Variants in AGBL1 observed in about 807,000 individuals in gnomAD.
AGBL1 encodes the protein cytosolic carboxypeptidase 4.
A neutral mutation model predicts 118.9 loss-of-function variants in AGBL1; 130 were observed. That is an observed-to-expected ratio of 1.09 (90% CI 0.95 to 1.26). The LOEUF is 1.26. Ranked by LOEUF, AGBL1 falls within the 50% of genes most tolerant of loss-of-function variation. The pLI is 0.00. For synonymous variants in AGBL1, 555 were observed against 478.9 expected, an observed-to-expected ratio of 1.16 and a Z score of -2.08; for missense variants, 1,584 against 1,298.1, an observed-to-expected ratio of 1.22 and a Z score of -3.38.
intron 22 of AGBL1, among the ~76,000 whole-genome samples, chr15:86,813,543 G>A (rs28438625): frequency 1.3e-5 from 2 of 152,102 alleles, no homozygotes; most frequent in Non-Finnish European, 2.9e-5. Context: ...CTTCCAAAGA[G>A]GATAGCACTG....
rs1006429746 is a variant in AGBL1 at position 86,915,848 on chromosome 15, A to T, written c.*8554A>T. On this transcript the variant is annotated 3_prime_UTR_variant, in exon 23 of 23. Transcript: ENST00000614907. ...CCGTTGCCTCAGTAACCTCTTACGC[A>T]TGGAGAGCAGAGCTGCAGGAAAGCA... 1.6e-4 allele frequency: 25 copies of T among 152,238 alleles called. No homozygotes were observed. The highest frequency in any genetic ancestry group is 5.3e-4 in the African/African-American group (22 of 41,450). 9.4% of individuals were successfully genotyped at this position (152,238 alleles called of 1,614,324 possible).
chr15:86,776,111 A>C (rs2078251936), intron 22 of AGBL1, among the ~76,000 whole-genome samples: 1 of 152,096 alleles, frequency 6.6e-6, no homozygotes, highest in Non-Finnish European at 1.5e-5. Flanking sequence ...TGTTCACTCA[A>C]CATGTTGCGC....
rs2141601058 is a variant in AGBL1, at chr15:86,911,305, T to C, written c.*4011T>C. On this transcript the variant is annotated 3_prime_UTR_variant, in exon 23 of 23. Transcript: ENST00000614907. ...GTAAAACTTCTCTGATGGGCAAAGG[T>C]TGGGAGCTTTCTGATTTCACCTTTA... 1 of 152,542 alleles carries C rather than the reference T, an allele frequency of 6.6e-6. No homozygotes were observed. Among genetic ancestry groups the C allele is most frequent in the East Asian group, 1.9e-4 (1 of 5,172 alleles). 9.4% of individuals were successfully genotyped at this position (152,542 alleles called of 1,614,324 possible).
At chr15:86,102,845 A>G (rs538417061) in intron 1 of AGBL1, among the ~76,000 whole-genome samples, 1 of 152,026 alleles carries the variant, frequency 6.6e-6, no homozygotes, top group South Asian at 2.1e-4. Flanking sequence ...AGAGTTAGGG[A>G]TTTTTCAGCC....
At chr15:86,726,436 A>C (rs955349877) in intron 22 of AGBL1, among the ~76,000 whole-genome samples, 2 of 152,200 alleles carry the variant, frequency 1.3e-5, no homozygotes, top group Non-Finnish European at 2.9e-5. Flanking sequence ...CTCTGTGAGG[A>C]TCGGTTTCTC....
At chr15:86,372,530 C>T (rs2080985690) in intron 17 of AGBL1, among the ~76,000 whole-genome samples, 1 of 152,242 alleles carries the variant, frequency 6.6e-6, no homozygotes, top group Admixed American at 6.5e-5. Context: ...CACTTTTTCT[C>T]TCTCATTCAT....
intron 23 of AGBL1, among the ~76,000 whole-genome samples, chr15:86,978,996 A>C (rs1447346107): frequency 2.0e-5 from 3 of 152,168 alleles, no homozygotes; most frequent in Non-Finnish European, 4.4e-5. Flanking sequence ...GTCTGTATTG[A>C]GCATTCTGGA....
intron 5 of AGBL1, among the ~76,000 whole-genome samples, chr15:86,191,362 AAAAAAAAAG>A (rs1204612665): frequency 6.6e-6 from 1 of 150,534 alleles, no homozygotes; most frequent in African/African-American, 2.4e-5. Context: ...AAAAAAAAAA[AAAAAAAAAG>A]AGAGAGAGAG....
intron 21 of AGBL1, among the ~76,000 whole-genome samples, chr15:86,603,209 A>G (rs981082995): frequency 6.6e-6 from 1 of 152,064 alleles, no homozygotes; most frequent in Non-Finnish European, 1.5e-5. Flanking sequence ...ATTTCTCCAC[A>G]TTACTTTGTA....
At chr15:86,092,747 T>A (rs1263727343) in intron 1 of AGBL1, among the ~76,000 whole-genome samples, 1 of 152,018 alleles carries the variant, frequency 6.6e-6, no homozygotes, top group Non-Finnish European at 1.5e-5. Flanking sequence ...CATCATGATG[T>A]GATAGAAGGC....
intron 22 of AGBL1, among the ~76,000 whole-genome samples, chr15:86,875,492 C>G (rs1423650208): frequency 6.6e-6 from 1 of 152,208 alleles, no homozygotes; most frequent in Non-Finnish European, 1.5e-5. Flanking sequence ...AGCCTCATAA[C>G]TTTCTCTTCA....
chr15:86,328,204 A>G (rs1401895242), intron 17 of AGBL1, among the ~76,000 whole-genome samples: 5 of 152,208 alleles, frequency 3.3e-5, no homozygotes, highest in African/African-American at 9.6e-5. Flanking sequence ...GATCAAGTTA[A>G]TGCTTATTGT....
chr15:86,290,938 G>T (rs2141758403), intron 16 of AGBL1, among the ~76,000 whole-genome samples: 1 of 152,116 alleles, frequency 6.6e-6, no homozygotes, highest in South Asian at 2.1e-4. Context: ...AGAATATGCG[G>T]TGTTTGGTTT....
chr15:86,187,913 G>C (rs1402190307), intron 5 of AGBL1, among the ~76,000 whole-genome samples: 2 of 152,130 alleles, frequency 1.3e-5, no homozygotes, highest in Admixed American at 1.3e-4. Flanking sequence ...AGGCATTCAG[G>C]GTTGGAAATT....
At chr15:86,704,441 G>C (rs1596386521) in intron 22 of AGBL1, among the ~76,000 whole-genome samples, 1 of 151,966 alleles carries the variant, frequency 6.6e-6, no homozygotes, top group South Asian at 2.1e-4. Flanking sequence ...ACATTTACAA[G>C]AAAAAAATAA....
intron 22 of AGBL1, among the ~76,000 whole-genome samples, chr15:86,764,289 C>A (rs1001102248): frequency 1.3e-5 from 2 of 151,898 alleles, no homozygotes; most frequent in African/African-American, 4.8e-5. Context: ...CCGGGTGATA[C>A]AATGTAAGCT....
chr15:86,411,607 A>G (rs1425848486), intron 18 of AGBL1, among the ~76,000 whole-genome samples: 1 of 152,170 alleles, frequency 6.6e-6, no homozygotes, highest in East Asian at 1.9e-4. Context: ...TCTTGCAAAC[A>G]TGCTCCCATA....
chr15:87,007,820 G>C (rs978893687), intron 24 of AGBL1, among the ~76,000 whole-genome samples: 2 of 152,130 alleles, frequency 1.3e-5, no homozygotes, highest in Non-Finnish European at 2.9e-5. Context: ...TCTTAAAGCT[G>C]GCTCTACAAT....
chr15:86,144,996 C>T (rs917131410), intron 3 of AGBL1, among the ~76,000 whole-genome samples: 1 of 152,086 alleles, frequency 6.6e-6, no homozygotes, highest in South Asian at 2.1e-4. Flanking sequence ...CGGTTCCATG[C>T]CCCTCTCCTC....
Sources: gnomAD v4.1 joint callset for allele counts (sites outside exome capture counted in the v4.1 genomes callset) on GRCh38, gnomAD v4.1.1 for gene constraint, MANE v1.5 for transcripts, NCBI Gene and HGNC (gene_info 2026-07-23, HGNC 2026-07-21) for gene names.